Variants in MROH1 observed in about 807,000 individuals in gnomAD.
The protein encoded by MROH1 is maestro heat like repeat family member 1, also known as maestro heat-like repeat-containing protein family member 1.
In MROH1, 117 loss-of-function variants were observed where a neutral mutation model predicts 116.5. The observed-to-expected ratio is 1.00, with a 90% CI of 0.86 to 1.17. The LOEUF is 1.17. Among genes scored for constraint, MROH1 ranks in the 50% most tolerant of loss-of-function variants. MROH1 has a pLI of 0.00. For missense variants in MROH1, 1,873 were observed against 1,338.5 expected (o/e 1.40, Z -6.23); for synonymous variants, 921 against 583.9 (o/e 1.58, Z -8.32).
Position 144,220,597 on chromosome 8 carries a change from C to T in MROH1, c.1142-3C>T, listed in dbSNP as rs1372426887. 10 of 1,568,336 alleles carry T rather than the reference C, an allele frequency of 6.4e-6. No homozygotes were observed. In the Admixed American group the frequency reaches 1.5e-4, roughly 24 times the overall value. ...GCTGAGCTGTCCTGTTTGTTTCTTG[C>T]AGCTGCTCAGATGGAAGATAAAAAG... On this transcript the variant is annotated splice_region_variant and splice_polypyrimidine_tract_variant and intron_variant, in intron 12 of 43. Coordinates refer to ENST00000326134, the MANE Select transcript of MROH1 (RefSeq NM_032450.3).
At chr8:144,201,999 C>A (rs1426614638) in intron 12 of MROH1, among the ~76,000 whole-genome samples, 3 of 139,658 alleles carry the variant, frequency 2.1e-5, no homozygotes, top group Admixed American at 7.6e-5. Flanking sequence ...GCCTGGACAA[C>A]AGAGTGAGAC....
intron 12 of MROH1, among the ~76,000 whole-genome samples, chr8:144,215,040 G>A (rs1469149211): frequency 1.3e-5 from 2 of 152,144 alleles, no homozygotes; most frequent in African/African-American, 4.8e-5. Flanking sequence ...CATCTGATTA[G>A]ATGGTGCCCA....
chr8:144,244,285 C>T lies in MROH1; in HGVS notation c.2619C>T (p.Ser873=). The change falls in exon 27 of 44, where the codon AGC becomes AGT. Residue 873 remains serine (S), a synonymous_variant. Transcript: ENST00000326134. ...ATGTGATCCATGGCTGCCTGCACAG[C>T]ATCATGGCCCTGCTGCCTGAGCCCA... ...RADVIHGCLH[S]IMALLPEPKE... 5.6e-6 allele frequency: 4 copies of T among 719,372 alleles called. No homozygotes were observed. The South Asian group carries it at 5.9e-5, about 11-fold the overall frequency. The allele number at this position is 719,372 out of a possible 1,614,324, so 44.6% of individuals were successfully genotyped here. A position where few individuals can be genotyped will look rare whatever the true frequency, so the allele number is the denominator to read the frequency against.
chr8:144,197,528 C>G lies in MROH1; in HGVS notation c.949-1594C>G, dbSNP rs962131040. On this transcript the variant is annotated intron_variant, in intron 10 of 43. Transcript: ENST00000326134. ...TTGGCTCACTGCAAGCTCTGCCTCCCCGGTTCACGCCATTCTCCTGCCTCA... is the reference window on the plus strand; with the variant it reads ...TTGGCTCACTGCAAGCTCTGCCTCCGCGGTTCACGCCATTCTCCTGCCTCA... Among the ~76,000 whole-genome samples, 3 of 145,412 alleles carry G rather than the reference C, an allele frequency of 2.1e-5. No homozygotes were observed. In the Admixed American group the frequency reaches 2.1e-4, roughly 10 times the overall value.
At chr8:144,209,531 A>G (rs1398120923) in intron 12 of MROH1, among the ~76,000 whole-genome samples, 1 of 149,544 alleles carries the variant, frequency 6.7e-6, no homozygotes, top group African/African-American at 2.5e-5. Flanking sequence ...GTGAGCTGAG[A>G]TGGTGCCACT....
intron 1 of MROH1, among the ~76,000 whole-genome samples, chr8:144,155,728 G>A (rs915496063): frequency 1.5e-4 from 22 of 151,088 alleles, no homozygotes; most frequent in Non-Finnish European, 3.0e-4. Context: ...CTGCTTCCTG[G>A]GTTCAAGTGA....
rs912796595 is a variant in MROH1, at chr8:144,163,728, G to A, written c.-56-43G>A. On this transcript the variant is annotated intron_variant, in intron 2 of 43. Coordinates refer to ENST00000326134, the MANE Select transcript of MROH1 (RefSeq NM_032450.3). The surrounding 1 kb of genome is among the most constrained non-coding windows in gnomAD (Gnocchi z 4.4). ...GTAATTGCCTGTGAACTCAGATATC[G>A]TAGAGGCTTATGAATTAAATCTTGT... 18 of 1,249,222 alleles carry A rather than the reference G, an allele frequency of 1.4e-5. No homozygotes were observed. Among genetic ancestry groups the A allele is most frequent in the South Asian group, 6.6e-5 (5 of 76,092 alleles). 77.4% of individuals were successfully genotyped at this position (1,249,222 alleles called of 1,614,324 possible).
chr8:144,158,063 G>T (rs1818609471), intron 1 of MROH1, among the ~76,000 whole-genome samples: 1 of 146,994 alleles, frequency 6.8e-6, no homozygotes, highest in African/African-American at 2.6e-5. Flanking sequence ...TGCTATCTTG[G>T]CTCACTGCAA....
At chr8:144,155,929 G>A (rs959342096) in intron 1 of MROH1, among the ~76,000 whole-genome samples, 7 of 149,046 alleles carry the variant, frequency 4.7e-5, no homozygotes, top group African/African-American at 1.7e-4. Flanking sequence ...CACTGCACCC[G>A]GCCAGTTTTT....
chr8:144,194,425 G>A (rs770299168), intron 10 of MROH1, among the ~76,000 whole-genome samples: 4 of 152,140 alleles, frequency 2.6e-5, no homozygotes, highest in African/African-American at 4.8e-5. Flanking sequence ...ATGGATACCC[G>A]AACCCTCAGT....
rs1441320979 is a variant in MROH1, at chr8:144,241,400, C to T, written c.2061C>T (p.Leu687=). 1.5e-5 allele frequency: 12 copies of T among 776,612 alleles called. 1 individual carries two copies. The highest frequency in any genetic ancestry group is 2.2e-5 in the Non-Finnish European group (9 of 416,864). 48.1% of individuals were successfully genotyped at this position (776,612 alleles called of 1,614,324 possible). A position where few individuals can be genotyped will look rare whatever the true frequency, so the allele number is the denominator to read the frequency against. The stretch of plus-strand genomic sequence containing the variant: ...GTAAGTGTGCTGCCCCCCAGGGCCT[C>T]GCCTGCTGCTTCGGGATCTGTGCCA... ...RYQEEAEREG[L]ACCFGICAIS... The change falls in exon 22 of 44, where the codon CTC becomes CTT. Residue 687 remains leucine, a synonymous_variant. Transcript: ENST00000326134.
chr8:144,212,911 T>A lies in MROH1; in HGVS notation c.1142-7689T>A. ...TAACCTCTTTTCTGTTACGTCTCTA[T>A]CTCTGTTCTCAGGAATCCAGTTCTC... On this transcript the variant is annotated intron_variant, in intron 12 of 43. Coordinates refer to ENST00000326134, the MANE Select transcript of MROH1 (RefSeq NM_032450.3). 3 of 707,396 alleles carry A rather than the reference T, an allele frequency of 4.2e-6. 1 individual carries two copies. The South Asian group carries it at 4.5e-5, about 11-fold the overall frequency. The allele number at this position is 707,396 out of a possible 1,614,324, so 43.8% of individuals were successfully genotyped here.
At chr8:144,177,490 G>A (rs745901542) in intron 4 of MROH1, among the ~76,000 whole-genome samples, 8 of 152,112 alleles carry the variant, frequency 5.3e-5, no homozygotes, top group African/African-American at 9.7e-5. Context: ...AATGTCCTGC[G>A]TGGCTGTCTT....
intron 14 of MROH1, among the ~76,000 whole-genome samples, chr8:144,229,608 C>T (rs769803904): frequency 1.3e-5 from 2 of 152,048 alleles, no homozygotes; most frequent in Non-Finnish European, 2.9e-5. Context: ...CCAGGTTGGT[C>T]TTAAACTCCT....
chr8:144,225,011 C>CT lies in MROH1; in HGVS notation c.1338+1792dup, dbSNP rs1200592668. ...TATCTATATTACCACACCTAACTTT[C>CT]TTTTTTTTTTTCCATTTAAATTATG... On this transcript the variant is annotated intron_variant, in intron 14 of 43. Coordinates refer to ENST00000326134, the MANE Select transcript of MROH1 (RefSeq NM_032450.3). 6.2e-4 allele frequency among the ~76,000 whole-genome samples: 92 copies of CT among 147,982 alleles called. 1 individual carries two copies. In the Middle Eastern group the frequency reaches 0.01, roughly 17 times the overall value.
At chr8:144,151,264 A>C (rs1343658906) in intron 1 of MROH1, among the ~76,000 whole-genome samples, 28 of 151,240 alleles carry the variant, frequency 1.9e-4, no homozygotes, top group South Asian at 4.2e-4. Flanking sequence ...AAAAAAAAAA[A>C]AAAAAAAAAA....
At chr8:144,226,405 C>A (rs7816105) in intron 14 of MROH1, among the ~76,000 whole-genome samples, 10,720 of 152,174 alleles carry the variant, frequency 0.07, 1,302 homozygotes, top group African/African-American at 0.24. Context: ...TCATCTGCGG[C>A]ATCTGTCATC....
At chr8:144,179,858 C>T (rs1334867352) in intron 5 of MROH1, among the ~76,000 whole-genome samples, 1 of 152,190 alleles carries the variant, frequency 6.6e-6, no homozygotes, top group Non-Finnish European at 1.5e-5. Context: ...AAAGGCTGTG[C>T]CCGGCATTGG....
chr8:144,255,459 TCTC>T (rs1564573482), intron 34 of MROH1, 47 bp from the exon 35 acceptor site: 8 of 765,692 alleles, frequency 1.0e-5, no homozygotes, highest in East Asian at 2.5e-5. Context: ...AGGGCTCAGA[TCTC>T]CTGCGGCCTG....
Sources: allele counts gnomAD v4.1 joint callset (sites outside exome capture counted in the v4.1 genomes callset), GRCh38; gene constraint gnomAD v4.1.1; non-coding constraint Gnocchi (gnomAD v3.1); transcripts MANE v1.5; gene names NCBI Gene and HGNC (gene_info 2026-07-23, HGNC 2026-07-21).